KCP: variants seen among roughly 807,000 people sequenced by gnomAD.
KCP encodes the protein kielin cysteine rich BMP regulator.
In KCP, 194 loss-of-function variants were observed where a neutral mutation model predicts 212.7. That is an observed-to-expected ratio of 0.91 (90% CI 0.81 to 1.03). The LOEUF (loss-of-function observed/expected upper bound fraction) is 1.03, where lower values mean the gene tolerates loss of function less well. KCP is among the 50% of genes least tolerant of loss of function. The pLI, the probability that KCP is intolerant of heterozygous loss-of-function variation, is 0.00. For synonymous variants in KCP, 833 were observed against 865.3 expected (o/e 0.96, Z 0.65); for missense variants, 2,080 against 2,162.5 (o/e 0.96, Z 0.76).
chr7:128,887,153 C>T (rs1793703549), intron 23 of KCP, 62 bp downstream of exon 23: 2 of 1,422,264 alleles, frequency 1.4e-6, no homozygotes, highest in Admixed American at 2.0e-5. Flanking sequence ...ACAGCCTCTT[C>T]CTGGCCAGAG....
intron 11 of KCP, 94 bp from the exon 12 acceptor site, chr7:128,893,570 G>C (rs1354098265): frequency 2.7e-6 from 3 of 1,101,352 alleles, no homozygotes; most frequent in Non-Finnish European, 4.0e-6. Context: ...CCCTGACAAA[G>C]AAGACCCAGC....
At chr7:128,888,599 CACACACACAGCCAG>C (rs1329334898) in intron 22 of KCP, among the ~76,000 whole-genome samples, 9 of 149,896 alleles carry the variant, frequency 6.0e-5, no homozygotes, top group African/African-American at 2.2e-4. Flanking sequence ...CACAGAGCCA[CACACACACAGCCAG>C]ACACACACAC....
rs185418679 is a variant in KCP, at chr7:128,901,340, C to T, written c.831+1437G>A. Among the ~76,000 whole-genome samples, 242 of 152,274 alleles carry T rather than the reference C, an allele frequency of 1.6e-3. 6 individuals are homozygous for T. The South Asian group carries it at 0.029, about 18-fold the overall frequency. On this transcript the variant is annotated intron_variant, in intron 8 of 39. Transcript: ENST00000610776. The stretch of plus-strand genomic sequence containing the variant: ...ATTCCTCTACTTTCTTAATAAACTG[C>T]TTTTGGCCGGGCGTGGTGGCTCACG...
In KCP at chr7:128,879,532, G is replaced by C; in HGVS notation, c.4136C>G (p.Pro1379Arg). 6.5e-7 allele frequency: 1 copy of C among 1,549,428 alleles called. No homozygotes were observed. Among genetic ancestry groups the C allele is most frequent in the Non-Finnish European group, 8.7e-7 (1 of 1,146,574 alleles). The change falls in exon 37 of 40, where the codon CCC (proline) becomes CGC (arginine). Residue 1379 changes from proline to arginine, a missense_variant. Physicochemically the swap from Pro to Arg is moderately radical, Grantham distance 103 (BLOSUM62 -2). Transcript: ENST00000610776. ...GCCCTGGAGCCGCACCTGGAGCCCGGGCTGGGCGTGCAGGATCACAGTGTG... is the reference window on the plus strand; with the variant it reads ...GCCCTGGAGCCGCACCTGGAGCCCGCGCTGGGCGTGCAGGATCACAGTGTG... ...RGHTVILHAQPGLQVLWDGQS... is the reference protein window; with the variant it reads ...RGHTVILHAQRGLQVLWDGQS...
intron 34 of KCP, 26 bp from the exon 35 acceptor site, chr7:128,880,111 G>A: frequency 6.7e-7 from 1 of 1,501,388 alleles, no homozygotes; most frequent in Non-Finnish European, 8.9e-7. Context: ...GACACTGTCA[G>A]ACACACCGCC....
At chr7:128,910,404 A>AC (rs2128951660) in intron 1 of KCP, among the ~76,000 whole-genome samples, 197 bp downstream of exon 1, 1 of 151,854 alleles carries the variant, frequency 6.6e-6, no homozygotes, top group South Asian at 2.1e-4. Flanking sequence ...CCTCTCCTGA[A>AC]CCCCCTGCTT....
In KCP at chr7:128,887,309, G is replaced by T. The variant is rs752303214; in HGVS notation, c.2513-9C>A. The T allele has an allele frequency of 2.1e-5, 33 of 1,549,854 alleles. No individual in the cohort carries two copies. The South Asian group carries it at 3.9e-4, about 18-fold the overall frequency. On this transcript the variant is annotated splice_polypyrimidine_tract_variant and intron_variant, in intron 22 of 39. Transcript: ENST00000610776. Reference sequence around the variant, plus strand: ...GCCATGGTAGCGGCATCCTGGCAGAGCGGGGAGTCCAACAGAAGAGCTGCC... The same window carrying T: ...GCCATGGTAGCGGCATCCTGGCAGATCGGGGAGTCCAACAGAAGAGCTGCC...
intron 8 of KCP, among the ~76,000 whole-genome samples, chr7:128,902,395 C>T (rs1306851580): frequency 7.2e-5 from 11 of 152,206 alleles, no homozygotes; most frequent in Non-Finnish European, 1.5e-5. Context: ...TTGAACCTGG[C>T]CACATGTCAA....
At chr7:128,906,611 G>A (rs1372527911) in intron 4 of KCP, among the ~76,000 whole-genome samples, 1 of 152,104 alleles carries the variant, frequency 6.6e-6, no homozygotes, top group East Asian at 1.9e-4. Context: ...CCAGAGAGGG[G>A]AGATCCTAGG....
In KCP at chr7:128,890,972, C is replaced by A; in HGVS notation, c.2097G>T (p.Gln699His). Residue 699 changes from glutamine to histidine, a missense_variant, in exon 20 of 40, where the codon CAG becomes CAT. Physicochemically the swap from Gln to His is conservative, Grantham distance 24. Coordinates refer to ENST00000610776, the MANE Select transcript of KCP (RefSeq NM_001366122.1). ...AGGGCGCGGGCGGGCAGGGCAGCCG[C>A]TGGCAGGACACGGAGCCGTCGAGGC... ...CLCLDGSVSC[Q>H]RLPCPPAPCA... 1 of 1,280,036 alleles carries A rather than the reference C, an allele frequency of 7.8e-7. No homozygotes were observed. The allele number at this position is 1,280,036 out of a possible 1,614,324, so 79.3% of individuals were successfully genotyped here.
chr7:128,879,301 C>T, intron 37 of KCP: 1 of 565,596 alleles, frequency 1.8e-6, no homozygotes, highest in South Asian at 2.3e-5. Context: ...GCTTAAGAGG[C>T]TGAGCCGAGA....
chr7:128,894,577 A>G (rs929206722), intron 8 of KCP, among the ~76,000 whole-genome samples: 3 of 152,112 alleles, frequency 2.0e-5, no homozygotes, highest in Non-Finnish European at 4.4e-5. Context: ...GAGATGATAA[A>G]AAAGACTTGC....
At chr7:128,890,199 C>A (rs1404595199) in intron 21 of KCP, 144 bp downstream of exon 21, 2 of 1,486,798 alleles carry the variant, frequency 1.3e-6, no homozygotes, top group African/African-American at 2.8e-5. Context: ...GGGTCACAGG[C>A]TTCAGCTAGG....
chr7:128,891,415 C>A, intron 18 of KCP, 36 bp downstream of exon 18: 3 of 1,547,870 alleles, frequency 1.9e-6, no homozygotes, highest in Non-Finnish European at 2.6e-6. Context: ...CCCGCCTCCA[C>A]TCCCCTGGGC....
Position 128,891,239 on chromosome 7 carries a change from G to T in KCP, c.1918C>A (p.Leu640Met). Reference sequence around the variant, plus strand: ...AGCAGGACAGGCTCTGGACAGGGCAGCGGCACGCAGCGGCGGGCCAGGCAC... The same window carrying T: ...AGCAGGACAGGCTCTGGACAGGGCATCGGCACGCAGCGGCGGGCCAGGCAC... Reference protein sequence around the residue: ...VQCLARRCVPLPCPEPVLLPG... With the variant: ...VQCLARRCVPMPCPEPVLLPG... The change falls in exon 19 of 40, where the codon CTG becomes ATG. Residue 640 changes from leucine (L) to methionine (M), a missense_variant. Leu to Met is a conservative substitution (Grantham distance 15, BLOSUM62 2). Coordinates refer to ENST00000610776, the MANE Select transcript of KCP (RefSeq NM_001366122.1). 2 of 1,547,034 alleles carry T rather than the reference G, an allele frequency of 1.3e-6. No individual in the cohort carries two copies.
chr7:128,879,476 G>C, intron 37 of KCP, 46 bp downstream of exon 37: 1 of 1,498,452 alleles, frequency 6.7e-7, no homozygotes, highest in Non-Finnish European at 9.0e-7. Flanking sequence ...AAACAGGACT[G>C]AAGCTCCCAG....
Position 128,876,926 on chromosome 7 carries a change from G to T in KCP, c.*117C>A. On this transcript the variant is annotated 3_prime_UTR_variant, in exon 40 of 40. Coordinates refer to ENST00000610776, the MANE Select transcript of KCP (RefSeq NM_001366122.1). ...CATGGCGGGGGTCTTTGCAGGGCAG[G>T]GGCCCAGGCTCCAGTGTCCAGGCAG... The T allele has an allele frequency of 7.9e-7, 1 of 1,263,272 alleles. No individual in the cohort carries two copies. The allele number at this position is 1,263,272 out of a possible 1,614,324, so 78.3% of individuals were successfully genotyped here.
chr7:128,882,124 G>T, intron 29 of KCP, 108 bp from the exon 30 acceptor site: 1 of 743,918 alleles, frequency 1.3e-6, no homozygotes, highest in Non-Finnish European at 2.3e-6. Flanking sequence ...GAACTCCTGA[G>T]CATACCCATA....
chr7:128,884,207 G>A, intron 28 of KCP, 85 bp from the exon 29 acceptor site: 1 of 1,445,582 alleles, frequency 6.9e-7, no homozygotes, highest in Non-Finnish European at 9.1e-7. Context: ...CCCTCCCTCT[G>A]CCTGCTGCAG....
Sources: allele counts gnomAD v4.1 joint callset (sites outside exome capture counted in the v4.1 genomes callset), GRCh38; gene constraint gnomAD v4.1.1; transcripts MANE v1.5; gene names NCBI Gene and HGNC (gene_info 2026-07-23, HGNC 2026-07-21).